LAMA1: variants seen among roughly 807,000 people sequenced by gnomAD.
The protein encoded by LAMA1 is laminin subunit alpha 1, also known as laminin subunit alpha-1.
LAMA1 carries 219 observed loss-of-function variants against 348.7 expected under a neutral mutation model. That is an observed-to-expected ratio of 0.63 (90% CI 0.56 to 0.70). LAMA1 has a LOEUF of 0.70. LAMA1 is among the 30% of genes least tolerant of loss of function. The pLI is 0.00. For synonymous variants in LAMA1, 1,487 were observed against 1,491.0 expected, an observed-to-expected ratio of 1.00 and a Z score of 0.06; for missense variants, 3,744 against 3,888.0, an observed-to-expected ratio of 0.96 and a Z score of 0.99.
At chr18:7,001,179 C>T (rs1315668070) in intron 30 of LAMA1, among the ~76,000 whole-genome samples, 2 of 152,170 alleles carry the variant, frequency 1.3e-5, no homozygotes, top group East Asian at 3.8e-4. Flanking sequence ...TATTCAATTA[C>T]ATACTTCAAT....
intron 48 of LAMA1, among the ~76,000 whole-genome samples, chr18:6,968,420 C>T (rs2057643504): frequency 6.6e-6 from 1 of 152,184 alleles, no homozygotes; most frequent in Non-Finnish European, 1.5e-5. Context: ...TGGCCCCTTG[C>T]CACAGCCCAT....
intron 50 of LAMA1, 70 bp downstream of exon 50, chr18:6,965,218 T>C: frequency 1.3e-6 from 2 of 1,586,138 alleles, no homozygotes; most frequent in Non-Finnish European, 1.7e-6. Flanking sequence ...AAAAAAAGAA[T>C]GCTGATTTTG....
At chr18:7,084,394 T>C (rs1468438234) in intron 1 of LAMA1, among the ~76,000 whole-genome samples, 2 of 152,126 alleles carry the variant, frequency 1.3e-5, no homozygotes, top group Non-Finnish European at 2.9e-5. Flanking sequence ...AAATCAAGGG[T>C]AGAACGAGGA....
chr18:6,985,273 G>T lies in LAMA1; in HGVS notation c.5624C>A (p.Ala1875Asp). Residue 1875 changes from alanine to aspartate, a missense_variant, in exon 39 of 63, where the codon GCC becomes GAC. Ala to Asp is a moderately radical substitution (Grantham distance 126). This residue lies in a region of LAMA1 where 1,983 missense variants were observed against 1,934.3 expected (regional missense o/e 1.03). Transcript: ENST00000389658. ...ATCTGCTAGTCTCTGGAACTCAGCG[G>T]CATGGTCCTCAGCTCTGTAGACCAG... Reference protein sequence around the residue: ...VDLVYRAEDHAAEFQRLADVL... With the variant: ...VDLVYRAEDHDAEFQRLADVL... 6.2e-7 allele frequency: 1 copy of T among 1,614,168 alleles called. No homozygotes were observed. Among genetic ancestry groups the T allele is most frequent in the Non-Finnish European group, 8.5e-7 (1 of 1,180,032 alleles).
chr18:6,958,714 A>G lies in LAMA1; in HGVS notation c.7779-52T>C, dbSNP rs146999525. 1.3e-3 allele frequency: 1,950 copies of G among 1,475,794 alleles called. 21 individuals are homozygous for G. In the African/African-American group the frequency reaches 0.024, roughly 18 times the overall value. The allele number at this position is 1,475,794 out of a possible 1,614,324, so 91.4% of individuals were successfully genotyped here. On this transcript the variant is annotated intron_variant, in intron 54 of 62. Transcript: ENST00000389658. ...GAAAAGCTTTAAACATAATGAAATA[A>G]TAATTCCATTTTAGTCCATAATTCC... is the stretch of plus-strand genomic sequence containing the variant.
intron 36 of LAMA1, 107 bp from the exon 37 acceptor site, chr18:6,986,454 G>C: frequency 1.1e-6 from 1 of 947,158 alleles, no homozygotes; most frequent in Non-Finnish European, 1.6e-6. Flanking sequence ...GTCTCTTTTT[G>C]AAATTGTAAG....
intron 45 of LAMA1, among the ~76,000 whole-genome samples, chr18:6,975,513 C>T (rs927339651): frequency 1.3e-5 from 2 of 152,224 alleles, no homozygotes; most frequent in African/African-American, 4.8e-5. Context: ...ACATTTTCTG[C>T]CCTACACACC....
chr18:7,002,767 T>C (rs936073734), intron 29 of LAMA1, among the ~76,000 whole-genome samples: 17 of 151,886 alleles, frequency 1.1e-4, no homozygotes, highest in African/African-American at 3.1e-4. Flanking sequence ...ATGTAAGGAG[T>C]TGAAGAATGG....
chr18:7,044,120 G>A (rs57308771), intron 7 of LAMA1, among the ~76,000 whole-genome samples: 2,350 of 132,970 alleles, frequency 0.018, 70 homozygotes, highest in African/African-American at 0.065. Flanking sequence ...CCGAGATCGC[G>A]CCACTGCACT....
At chr18:7,112,607 T>TAC (rs1555670521) in intron 1 of LAMA1, among the ~76,000 whole-genome samples, 6 of 150,122 alleles carry the variant, frequency 4.0e-5, no homozygotes, top group African/African-American at 9.8e-5. Flanking sequence ...TATATATATA[T>TAC]ACACACATAT....
In LAMA1 at chr18:6,990,674, T is replaced by C. The variant is rs541891644; in HGVS notation, c.5168+1887A>G. ...AGCTTCTTTGGCTCCAGTGTTCCCT[T>C]GTTCAATGGCTCTCCACCTATGCTA... On this transcript the variant is annotated intron_variant, in intron 36 of 62. Transcript: ENST00000389658. 1.1e-3 allele frequency among the ~76,000 whole-genome samples: 160 copies of C among 152,310 alleles called. 1 individual carries two copies. The highest frequency in any genetic ancestry group is 3.7e-3 in the African/African-American group (153 of 41,568).
At chr18:7,107,032 T>C (rs755307481) in intron 1 of LAMA1, among the ~76,000 whole-genome samples, 1 of 151,838 alleles carries the variant, frequency 6.6e-6, no homozygotes, top group Non-Finnish European at 1.5e-5. Context: ...CTAACTTACA[T>C]GAATATGAGC....
chr18:6,979,859 A>C (rs576136804), intron 42 of LAMA1, among the ~76,000 whole-genome samples: 119 of 152,342 alleles, frequency 7.8e-4, no homozygotes, highest in Non-Finnish European at 1.3e-3. Flanking sequence ...AGATCGCGCC[A>C]CTGCACTCCA....
chr18:7,011,306 T>C lies in LAMA1; in HGVS notation c.3681A>G (p.Gly1227=), dbSNP rs760303299. ...FYWRLPQQFQ[G]DQLMAYGGKL... Reference sequence around the variant, plus strand: ...GGCTGGGCGTGCACCTCACCTGGTCTCCTTGGAACTGCTGCGGCAGCCGCC... The same window carrying C: ...GGCTGGGCGTGCACCTCACCTGGTCCCCTTGGAACTGCTGCGGCAGCCGCC... The change falls in exon 25 of 63, where the codon GGA becomes GGG. Residue 1227 remains glycine (G), a synonymous_variant. Transcript: ENST00000389658. 6.2e-7 allele frequency: 1 copy of C among 1,610,534 alleles called. No individual in the cohort carries two copies. Among genetic ancestry groups the C allele is most frequent in the Admixed American group, 1.7e-5 (1 of 59,762 alleles).
At chr18:7,025,116 T>C (rs55915641) in intron 17 of LAMA1, among the ~76,000 whole-genome samples, 1 of 152,306 alleles carries the variant, frequency 6.6e-6, no homozygotes, top group Non-Finnish European at 1.5e-5. Flanking sequence ...TTCTAAAGGT[T>C]AAACCAGCGA....
chr18:7,092,936 C>T (rs748442504), intron 1 of LAMA1, among the ~76,000 whole-genome samples: 3 of 152,086 alleles, frequency 2.0e-5, no homozygotes, highest in Non-Finnish European at 4.4e-5. Flanking sequence ...GCTCATTCAC[C>T]GCACAGGTGC....
At chr18:7,061,156 C>T (rs2058100586) in intron 3 of LAMA1, among the ~76,000 whole-genome samples, 1 of 152,146 alleles carries the variant, frequency 6.6e-6, no homozygotes, top group African/African-American at 2.4e-5. Flanking sequence ...AGACCCTGTC[C>T]CTCATCCCCC....
At position 6,983,185 on chromosome 18, in the gene LAMA1, A is replaced by G. The variant is rs776148166; in HGVS notation, c.5710T>C (p.Tyr1904His). Residue 1904 changes from tyrosine (Y) to histidine (H), a missense_variant, in exon 40 of 63, where the codon TAT (tyrosine) becomes CAT (histidine). Around this residue, in one of 3 missense-constraint regions of LAMA1, gnomAD observed 1,983 missense variants for 1,934.3 expected, o/e 1.03. Coordinates refer to ENST00000389658, the MANE Select transcript of LAMA1 (RefSeq NM_005559.4). ...NVSLNATSAA[Y>H]VHYNIQSLIE... ...AGGCTCTGGATGTTGTAATGGACAT[A>G]GGCTGCACTGGTGGCATTCAGGGAC... 1.5e-5 allele frequency: 24 copies of G among 1,614,062 alleles called. No homozygotes were observed. Among genetic ancestry groups the G allele is most frequent in the Non-Finnish European group, 1.9e-5 (23 of 1,180,024 alleles).
In LAMA1 at chr18:7,050,671, G is replaced by C. The variant is rs143972621; in HGVS notation, c.588+23C>G. On this transcript the variant is annotated intron_variant, in intron 4 of 62. Transcript: ENST00000389658. Reference sequence around the variant, plus strand: ...AGACTCTGATGAGGAAACAGATCTTGCTGCAGCGGGCACCATACCTACCTC... The same window carrying C: ...AGACTCTGATGAGGAAACAGATCTTCCTGCAGCGGGCACCATACCTACCTC... The C allele has an allele frequency of 4.9e-5, 79 of 1,613,024 alleles. No homozygotes were observed. In the African/African-American group the frequency reaches 9.9e-4, roughly 20 times the overall value.
Sources: allele counts gnomAD v4.1 joint callset (sites outside exome capture counted in the v4.1 genomes callset), GRCh38; gene constraint gnomAD v4.1.1; regional missense constraint gnomAD v4.1.1; transcripts MANE v1.5; gene names NCBI Gene and HGNC (gene_info 2026-07-23, HGNC 2026-07-21).